MAP1B: variants seen among roughly 807,000 people sequenced by gnomAD.
The protein encoded by MAP1B is microtubule-associated protein 1B.
A neutral mutation model predicts 176.1 loss-of-function variants in MAP1B; 12 were observed. That is an observed-to-expected ratio of 0.07 (90% CI 0.04 to 0.11). MAP1B has a LOEUF of 0.11. MAP1B is among the 10% of genes least tolerant of loss of function. MAP1B has a pLI of 1.00. For missense variants in MAP1B, 2,523 were observed against 2,990.5 expected, an observed-to-expected ratio of 0.84 and a Z score of 3.65; for synonymous variants, 1,044 against 1,135.0, an observed-to-expected ratio of 0.92 and a Z score of 1.61.
intron 2 of MAP1B, among the ~76,000 whole-genome samples, chr5:72,134,761 G>T (rs1163706061): frequency 6.6e-6 from 1 of 151,664 alleles, no homozygotes; most frequent in Non-Finnish European, 1.5e-5. Flanking sequence ...GCTCACAATG[G>T]CCTGGGCCCT....
chr5:72,169,341 C>T (rs1746491049), intron 2 of MAP1B: 1 of 152,150 alleles, frequency 6.6e-6, no homozygotes, highest in African/African-American at 2.4e-5. Flanking sequence ...CAGTGGGTTT[C>T]TTCTAATGAT....
At chr5:72,111,939 C>G (rs1039196769) in intron 1 of MAP1B, among the ~76,000 whole-genome samples, 1 of 151,874 alleles carries the variant, frequency 6.6e-6, no homozygotes, top group Non-Finnish European at 1.5e-5. Context: ...TTATGAACAT[C>G]AAGTTGCTGG....
chr5:72,198,544 C>G lies in MAP1B; in HGVS notation c.5189C>G (p.Pro1730Arg). The G allele has an allele frequency of 1.2e-6, 2 of 1,613,984 alleles. No individual in the cohort carries two copies. Among genetic ancestry groups the G allele is most frequent in the Non-Finnish European group, 1.7e-6 (2 of 1,180,024 alleles). ...TCAGTATCTCAGGTAGAGGCCTCCC[C>G]GTCCACCTCTTCTGCTCATACCCCT... The part of the protein sequence containing the change: ...LISVSQVEAS[P>R]STSSAHTPSQ... Residue 1730 changes from proline (P) to arginine (R), a missense_variant, in exon 5 of 7, where the codon CCG becomes CGG. Pro to Arg is a moderately radical substitution (Grantham distance 103). Coordinates refer to ENST00000296755, the MANE Select transcript of MAP1B (RefSeq NM_005909.5).
At chr5:72,130,085 C>T (rs1275026820) in intron 2 of MAP1B, among the ~76,000 whole-genome samples, 1 of 151,044 alleles carries the variant, frequency 6.6e-6, no homozygotes, top group African/African-American at 2.4e-5. Flanking sequence ...GCAAATTCAT[C>T]ACAAATTTGA....
intron 5 of MAP1B, among the ~76,000 whole-genome samples, chr5:72,200,896 A>G (rs1434571313): frequency 6.6e-6 from 1 of 152,242 alleles, no homozygotes; most frequent in Non-Finnish European, 1.5e-5. Context: ...GGTTGGAGAT[A>G]AATCCTCATT....
chr5:72,186,875 G>A lies in MAP1B; in HGVS notation c.510+121G>A. 1.8e-6 allele frequency: 2 copies of A among 1,103,584 alleles called. No individual in the cohort carries two copies. The highest frequency in any genetic ancestry group is 2.6e-6 in the Non-Finnish European group (2 of 759,288). The allele number at this position is 1,103,584 out of a possible 1,614,324, so 68.4% of individuals were successfully genotyped here. On this transcript the variant is annotated intron_variant, in intron 4 of 6. Coordinates refer to ENST00000296755, the MANE Select transcript of MAP1B (RefSeq NM_005909.5). The surrounding 1 kb of genome is among the most constrained non-coding windows in gnomAD (Gnocchi z 4.3). ...GAACCTCACAGCTCTCCTGAAATAA[G>A]CAAAACTGCATGATCCAAAATACTT...
At chr5:72,139,675 C>G (rs2112151785) in intron 2 of MAP1B, among the ~76,000 whole-genome samples, 1 of 152,250 alleles carries the variant, frequency 6.6e-6, no homozygotes, top group African/African-American at 2.4e-5. Context: ...GTTTGATTCT[C>G]TTGTGGAGGT....
intron 2 of MAP1B, among the ~76,000 whole-genome samples, chr5:72,118,337 G>C (rs1387317715): frequency 6.6e-6 from 1 of 151,638 alleles, no homozygotes; most frequent in Non-Finnish European, 1.5e-5. Context: ...AATTAACTTA[G>C]AACCAAGGAG....
At chr5:72,120,178 A>G (rs1178058635) in intron 2 of MAP1B, among the ~76,000 whole-genome samples, 1 of 152,292 alleles carries the variant, frequency 6.6e-6, no homozygotes, top group Admixed American at 6.5e-5. Context: ...ATCAGTTTCA[A>G]TTTTTATTTT....
chr5:72,179,957 C>T, intron 2 of MAP1B: 2 of 983,634 alleles, frequency 2.0e-6, no homozygotes, highest in Non-Finnish European at 2.4e-6. Context: ...ACTGATGAAG[C>T]CAAAGAGGAA....
Position 72,199,809 on chromosome 5 carries a change from G to C in MAP1B, c.6454G>C (p.Glu2152Gln). The C allele has an allele frequency of 6.2e-7, 1 of 1,614,128 alleles. No individual in the cohort carries two copies. The highest frequency in any genetic ancestry group is 8.5e-7 in the Non-Finnish European group (1 of 1,180,012). Residue 2152 changes from glutamate to glutamine, a missense_variant, in exon 5 of 7, where the codon GAG becomes CAG. Physicochemically the swap from Glu to Gln is conservative, Grantham distance 29. Around this residue, in one of 4 missense-constraint regions of MAP1B, gnomAD observed 287 missense variants for 401.5 expected, o/e 0.71. Coordinates refer to ENST00000296755, the MANE Select transcript of MAP1B (RefSeq NM_005909.5). The surrounding 1 kb of genome is among the most constrained non-coding windows in gnomAD (Gnocchi z 4.2). ...TGAAACCCCTCCCACCTCAGTCAGC[G>C]AGTCAGCCCCATCCCAGACCGACTC... is the stretch of plus-strand genomic sequence containing the variant. Reference protein sequence around the residue: ...CDETPPTSVSESAPSQTDSDV... With the variant: ...CDETPPTSVSQSAPSQTDSDV...
intron 2 of MAP1B, among the ~76,000 whole-genome samples, chr5:72,155,564 A>G (rs1213699026): frequency 2.6e-5 from 4 of 152,164 alleles, no homozygotes; most frequent in African/African-American, 9.7e-5. Flanking sequence ...TGCACATACA[A>G]CCATATTTGG....
At chr5:72,124,108 C>T (rs1304088354) in intron 2 of MAP1B, among the ~76,000 whole-genome samples, 2 of 152,256 alleles carry the variant, frequency 1.3e-5, no homozygotes, top group East Asian at 3.9e-4. Context: ...GGTACCAGCA[C>T]CCCACTCCCA....
At chr5:72,148,911 C>T (rs1251932818) in intron 2 of MAP1B, among the ~76,000 whole-genome samples, 1 of 152,172 alleles carries the variant, frequency 6.6e-6, no homozygotes, top group African/African-American at 2.4e-5. Flanking sequence ...AGGTTCTTCC[C>T]TACTCATTTC....
At chr5:72,173,119 A>C (rs1485785714) in intron 2 of MAP1B, among the ~76,000 whole-genome samples, 3 of 152,170 alleles carry the variant, frequency 2.0e-5, no homozygotes, top group African/African-American at 7.2e-5. Flanking sequence ...TGGCTTCCTC[A>C]TAGCATTAAT....
At chr5:72,118,627 A>T (rs1039314618) in intron 2 of MAP1B, among the ~76,000 whole-genome samples, 1 of 149,612 alleles carries the variant, frequency 6.7e-6, no homozygotes, top group Admixed American at 6.6e-5. Flanking sequence ...GTTTAAAAAA[A>T]CATAGAGACG....
intron 4 of MAP1B, 57 bp from the exon 5 acceptor site, chr5:72,193,809 T>A (rs1747082187): frequency 6.0e-6 from 9 of 1,501,296 alleles, no homozygotes; most frequent in East Asian, 2.3e-5. Flanking sequence ...AGATGATGGA[T>A]CAGTGATGAT....
rs745523035 is a variant in MAP1B at position 72,200,056 on chromosome 5, C to T, written c.6701C>T (p.Ala2234Val). 8.1e-6 allele frequency: 13 copies of T among 1,614,192 alleles called. No homozygotes were observed. Among genetic ancestry groups the T allele is most frequent in the Non-Finnish European group, 1.1e-5 (13 of 1,180,048 alleles). The change falls in exon 5 of 7, where the codon GCT (alanine) becomes GTT (valine). Residue 2234 changes from alanine to valine, a missense_variant. This residue lies in a region of MAP1B where 287 missense variants were observed against 401.5 expected (regional missense o/e 0.71). Coordinates refer to ENST00000296755, the MANE Select transcript of MAP1B (RefSeq NM_005909.5). Reference protein sequence around the residue: ...ALAIEQNLGKALKKDLKEKTK... With the variant: ...ALAIEQNLGKVLKKDLKEKTK... Reference sequence around the variant, plus strand: ...GCCATTGAGCAGAACCTGGGCAAAGCTCTAAAGAAAGATCTGAAAGAGAAG... The same window carrying T: ...GCCATTGAGCAGAACCTGGGCAAAGTTCTAAAGAAAGATCTGAAAGAGAAG...
At chr5:72,114,843 G>A (rs998425182) in intron 1 of MAP1B, among the ~76,000 whole-genome samples, 2 of 152,138 alleles carry the variant, frequency 1.3e-5, no homozygotes, top group African/African-American at 2.4e-5. Flanking sequence ...TCTCACCCTG[G>A]ATATTCCTTT....
Sources: allele counts gnomAD v4.1 joint callset (sites outside exome capture counted in the v4.1 genomes callset), GRCh38; gene constraint gnomAD v4.1.1; regional missense constraint gnomAD v4.1.1; non-coding constraint Gnocchi (gnomAD v3.1); transcripts MANE v1.5; gene names NCBI Gene and HGNC (gene_info 2026-07-23, HGNC 2026-07-21).